JAK1: variants seen among roughly 807,000 people sequenced by gnomAD.
JAK1 encodes tyrosine-protein kinase JAK1.
A neutral mutation model predicts 136.6 loss-of-function variants in JAK1; 16 were observed. That is an observed-to-expected ratio of 0.12 (90% CI 0.08 to 0.18). JAK1 has a LOEUF of 0.18. Ranked by LOEUF, JAK1 falls within the 10% of genes least tolerant of loss-of-function variation. The probability of loss-of-function intolerance (pLI) is 1.00; values close to 1 mark genes in which losing one functional copy is unlikely to be tolerated. For missense variants in JAK1, 859 were observed against 1,450.1 expected (o/e 0.59, Z 6.62); for synonymous variants, 492 against 519.5 (o/e 0.95, Z 0.72).
At chr1:64,973,200 A>G (rs1646467579) in intron 2 of JAK1, 1 of 149,874 alleles carries the variant, frequency 6.7e-6, no homozygotes, top group Non-Finnish European at 1.5e-5. Flanking sequence ...AGAAAGAAAG[A>G]AAGGAAAAGA....
intron 2 of JAK1, chr1:64,990,919 C>CAAAAAAAAAAAAAAAAAAAAAAAAAAAAA (rs1173485942): frequency 6.8e-5 from 3 of 44,128 alleles, no homozygotes; most frequent in Admixed American, 2.4e-4. Flanking sequence ...GACTCCGTCT[C>CAAAAAAAAAAAAAAAAAAAAAAAAAAAAA]AAAAAAAAAA....
intron 11 of JAK1, among the ~76,000 whole-genome samples, chr1:64,854,497 C>T (rs1655798191): frequency 2.0e-5 from 3 of 152,190 alleles, no homozygotes; most frequent in Admixed American, 2.0e-4. Context: ...CCCTCTTTGA[C>T]GCTGACCTTT....
intron 1 of JAK1, among the ~76,000 whole-genome samples, chr1:64,925,710 C>A (rs1236076889): frequency 2.0e-5 from 3 of 152,180 alleles, no homozygotes; most frequent in African/African-American, 7.2e-5. Flanking sequence ...GTTCTTCAGG[C>A]ACATAGTGTC....
chr1:64,845,750 C>T, intron 14 of JAK1, 110 bp from the exon 15 acceptor site: 1 of 1,333,006 alleles, frequency 7.5e-7, no homozygotes, highest in Non-Finnish European at 1.1e-6. Context: ...TCAGAGTACA[C>T]AGATATCCTT....
At chr1:65,044,407 C>T (rs1647164976) in intron 2 of JAK1, among the ~76,000 whole-genome samples, 1 of 152,106 alleles carries the variant, frequency 6.6e-6, no homozygotes, top group African/African-American at 2.4e-5. Flanking sequence ...TTATTGTCTA[C>T]CTTAGAGAAA....
intron 2 of JAK1, among the ~76,000 whole-genome samples, chr1:64,972,030 A>G (rs1646457071): frequency 6.6e-6 from 1 of 152,128 alleles, no homozygotes; most frequent in South Asian, 2.1e-4. Flanking sequence ...CCTTGTCTCA[A>G]AAAAAAGAAA....
intron 1 of JAK1, among the ~76,000 whole-genome samples, chr1:64,898,681 A>C (rs76980630): frequency 6.6e-6 from 1 of 152,340 alleles, no homozygotes; most frequent in Non-Finnish European, 1.5e-5. Flanking sequence ...AACTTCAGTT[A>C]GCAAAATTTG....
At chr1:64,955,624 G>A (rs1048574686) in intron 1 of JAK1, among the ~76,000 whole-genome samples, 40 of 152,168 alleles carry the variant, frequency 2.6e-4, no homozygotes, top group African/African-American at 9.4e-4. Context: ...TTTTCTATAG[G>A]CAATAGGGGC....
intron 2 of JAK1, among the ~76,000 whole-genome samples, chr1:64,982,129 C>G (rs201123299): frequency 0.045 from 6,807 of 151,880 alleles, 347 homozygotes; most frequent in East Asian, 0.27. Context: ...CACACGCACA[C>G]ACACACACAT....
At chr1:64,966,050 G>A (rs1292437510) in intron 1 of JAK1, among the ~76,000 whole-genome samples, 4 of 152,024 alleles carry the variant, frequency 2.6e-5, no homozygotes, top group Non-Finnish European at 5.9e-5. Flanking sequence ...AAAACTTGCC[G>A]TGCGCGCTGG....
At chr1:64,913,655 A>AAAGAAG (rs1553168149) in intron 1 of JAK1, among the ~76,000 whole-genome samples, 9 of 34,482 alleles carry the variant, frequency 2.6e-4, no homozygotes, top group Admixed American at 7.5e-4. Context: ...AAGGAAGGAA[A>AAAGAAG]GAAGGAAGGA....
intron 1 of JAK1, among the ~76,000 whole-genome samples, chr1:64,944,465 C>T (rs1227128094): frequency 1.3e-5 from 2 of 151,960 alleles, no homozygotes; most frequent in African/African-American, 2.4e-5. Context: ...TTATTGTTTG[C>T]TAATTCTAGA....
rs528197005 is a variant in JAK1, at chr1:64,982,114, G to A, written c.-78+62366C>T. Among the ~76,000 whole-genome samples the A allele has an allele frequency of 1.6e-4, 24 of 150,294 alleles. No homozygotes were observed. In the South Asian group the frequency reaches 4.7e-3, roughly 29 times the overall value. On this transcript the variant is annotated intron_variant, in intron 2 of 25. Coordinates refer to the JAK1 transcript ENST00000671954. ...CACACACACACACGCACACACACACGCACACACACGCACACACACACACAT... is the reference window on the plus strand; with the variant it reads ...CACACACACACACGCACACACACACACACACACACGCACACACACACACAT...
intron 1 of JAK1, among the ~76,000 whole-genome samples, chr1:64,960,590 T>C (rs1385085075): frequency 6.6e-6 from 1 of 152,216 alleles, no homozygotes; most frequent in Non-Finnish European, 1.5e-5. Flanking sequence ...GCAGCTCCTC[T>C]TCCTAGGTTT....
intron 1 of JAK1, among the ~76,000 whole-genome samples, chr1:64,917,171 G>A (rs1039581380): frequency 6.6e-6 from 1 of 152,046 alleles, no homozygotes; most frequent in African/African-American, 2.4e-5. Flanking sequence ...ACATTCAAAA[G>A]ATCAAAAATT....
At chr1:64,839,371 A>G (rs1275831101) in intron 20 of JAK1, 2 of 427,496 alleles carry the variant, frequency 4.7e-6, no homozygotes, top group African/African-American at 4.1e-5. Context: ...TGACGTGGAG[A>G]GACAGTGCTG....
chr1:64,843,214 C>T (rs188996020), intron 17 of JAK1, among the ~76,000 whole-genome samples: 1 of 152,158 alleles, frequency 6.6e-6, no homozygotes. Context: ...ACACTCAAGG[C>T]CAGGCACACC....
chr1:64,940,540 T>G lies in JAK1; in HGVS notation c.-78+25793A>C, dbSNP rs543884848. On this transcript the variant is annotated intron_variant, in intron 1 of 24. Coordinates refer to ENST00000342505, the MANE Select transcript of JAK1 (RefSeq NM_002227.4). ...CCATGTTGGCCAGGCTGGTCTCCAA[T>G]TCTGGGGCTCAAGTGATCTGCCCAC... Among the ~76,000 whole-genome samples the G allele has an allele frequency of 2.0e-4, 30 of 152,114 alleles. No individual in the cohort carries two copies. In the South Asian group the frequency reaches 5.4e-3, roughly 27 times the overall value.
chr1:64,963,307 T>C (rs1646315983), intron 1 of JAK1, among the ~76,000 whole-genome samples: 1 of 152,216 alleles, frequency 6.6e-6, no homozygotes, highest in African/African-American at 2.4e-5. Context: ...GAGTAGAGCA[T>C]GAATGACTTG....
Sources: allele counts gnomAD v4.1 joint callset (sites outside exome capture counted in the v4.1 genomes callset), GRCh38; gene constraint gnomAD v4.1.1; transcripts MANE v1.5; gene names NCBI Gene and HGNC (gene_info 2026-07-23, HGNC 2026-07-21).